Variants in CPZ observed in about 807,000 individuals in gnomAD.
CPZ encodes the protein VEZT/CPZ fusion.
In CPZ, 103 loss-of-function variants were observed where a neutral mutation model predicts 61.8. The ratio of observed to expected loss-of-function variants is 1.67; its 90% CI spans 1.42 to 1.96. The LOEUF (loss-of-function observed/expected upper bound fraction) is 1.96, where lower values mean the gene tolerates loss of function less well. Ranked by LOEUF, CPZ falls within the 30% of genes most tolerant of loss-of-function variation. The pLI, the probability that CPZ is intolerant of heterozygous loss-of-function variation, is 0.00. For missense variants in CPZ, 1,461 were observed against 914.9 expected (o/e 1.60, Z -7.70); for synonymous variants, 551 against 373.7 (o/e 1.47, Z -5.47).
At chr4:8,603,891 G>T in intron 3 of CPZ, 85 bp from the exon 4 acceptor site, 1 of 1,151,078 alleles carries the variant, frequency 8.7e-7, no homozygotes. Context: ...GGGGACTAAG[G>T]GTGCTGTGTG....
chr4:8,608,951 C>A (rs894945603), intron 7 of CPZ, among the ~76,000 whole-genome samples: 1 of 151,446 alleles, frequency 6.6e-6, no homozygotes, highest in African/African-American at 2.5e-5. Context: ...CCTGGGCCAC[C>A]GGCGCATTTG....
rs757651346 is a variant in CPZ, at chr4:8,606,899, G to A, written c.1068+1G>A. 1 of 1,604,380 alleles carries A rather than the reference G, an allele frequency of 6.2e-7. No individual in the cohort carries two copies. The highest frequency in any genetic ancestry group is 8.5e-7 in the Non-Finnish European group (1 of 1,175,806). On this transcript the variant is annotated splice_donor_variant, in intron 6 of 10. Coordinates refer to ENST00000360986, the MANE Select transcript of CPZ (RefSeq NM_001014447.3). LOFTEE classifies it high-confidence loss of function. ...CCCCCAGCACTACTGGTGGGGTAAG[G>A]TAGGAGCCGCCGCTGCCCATGCTGG...
chr4:8,608,451 A>C (rs971083895), intron 7 of CPZ, among the ~76,000 whole-genome samples: 3 of 152,120 alleles, frequency 2.0e-5, no homozygotes, highest in African/African-American at 7.2e-5. Flanking sequence ...GGCCGAGCAC[A>C]TAGCTGGGCC....
chr4:8,606,359 C>T (rs1715003482), intron 5 of CPZ, among the ~76,000 whole-genome samples, 174 bp downstream of exon 5: 1 of 152,172 alleles, frequency 6.6e-6, no homozygotes, highest in Non-Finnish European at 1.5e-5. Context: ...AGAAGGAAGG[C>T]ACTGAGAATT....
intron 7 of CPZ, chr4:8,611,395 G>C (rs994515964): frequency 4.7e-6 from 2 of 425,858 alleles, no homozygotes; most frequent in Admixed American, 4.8e-5. Context: ...GAGGGACCCA[G>C]GATCCCAGCC....
At chr4:8,608,307 C>T (rs1030236263) in intron 7 of CPZ, among the ~76,000 whole-genome samples, 13 of 152,200 alleles carry the variant, frequency 8.5e-5, no homozygotes, top group Non-Finnish European at 1.5e-4. Flanking sequence ...CTCCACCTCC[C>T]TCCCTGCACT....
intron 8 of CPZ, among the ~76,000 whole-genome samples, chr4:8,613,863 G>A (rs531351224): frequency 1.3e-4 from 20 of 152,360 alleles, no homozygotes; most frequent in African/African-American, 2.9e-4. Flanking sequence ...TCAGGACAGC[G>A]TCTGGGTAAA....
Position 8,607,307 on chromosome 4 carries a change from C to A in CPZ, c.1109C>A (p.Thr370Asn). 1.9e-6 allele frequency: 3 copies of A among 1,614,124 alleles called. No individual in the cohort carries two copies. Among genetic ancestry groups the A allele is most frequent in the Non-Finnish European group, 2.5e-6 (3 of 1,179,984 alleles). ...ETKAIMKWMQ[T>N]IPFVLSASLH... ...AAGGCAATCATGAAGTGGATGCAGACCATACCCTTTGTGCTCTCAGCCAGC... is the reference window on the plus strand; with the variant it reads ...AAGGCAATCATGAAGTGGATGCAGAACATACCCTTTGTGCTCTCAGCCAGC... Residue 370 changes from threonine (T) to asparagine (N), a missense_variant, in exon 7 of 11, where the codon ACC becomes AAC. Coordinates refer to ENST00000360986, the MANE Select transcript of CPZ (RefSeq NM_001014447.3).
Position 8,601,438 on chromosome 4 carries a change from G to T in CPZ, c.437G>T (p.Cys146Phe), listed in dbSNP as rs1181573328. The change falls in exon 3 of 11, where the codon TGC becomes TTC. Residue 146 changes from cysteine (C) to phenylalanine (F), a missense_variant. By Grantham distance (205) the Cys-to-Phe change is radical. Coordinates refer to ENST00000360986, the MANE Select transcript of CPZ (RefSeq NM_001014447.3). ...ATGGCCTGGCCCTACTTCCTTGACT[G>T]CCACCGCTACTTCACGAGAGAGGAC... ...IDMAWPYFLD[C>F]HRYFTREDEG... 5.2e-6 allele frequency: 8 copies of T among 1,552,710 alleles called. No homozygotes were observed. The highest frequency in any genetic ancestry group is 7.0e-6 in the Non-Finnish European group (8 of 1,148,538).
Position 8,615,961 on chromosome 4 carries a change from T to C in CPZ, c.1503+1463T>C, listed in dbSNP as rs1031390802. On this transcript the variant is annotated intron_variant, in intron 9 of 10. Transcript: ENST00000360986. ...GCAGCCCTGCACCACCTGTGGCGAG[T>C]CCCATTCTTCTATGAGCTCTCGCGC... is the stretch of plus-strand genomic sequence containing the variant. 2.8e-4 allele frequency among the ~76,000 whole-genome samples: 43 copies of C among 152,066 alleles called. 2 individuals are homozygous for C. The highest frequency in any genetic ancestry group is 1.5e-5 in the Non-Finnish European group (1 of 68,014).
At chr4:8,600,092 T>C (rs1355760866) in intron 2 of CPZ, 3 of 152,250 alleles carry the variant, frequency 2.0e-5, no homozygotes, top group African/African-American at 7.2e-5. Flanking sequence ...AAATTCTGGG[T>C]ACCAAGTCAA....
rs778176673 is a variant in CPZ at position 8,619,292 on chromosome 4, C to T, written c.1634C>T (p.Pro545Leu). The change falls in exon 11 of 11, where the codon CCC (proline) becomes CTC (leucine). Residue 545 changes from proline to leucine, a missense_variant. Physicochemically the swap from Pro to Leu is moderately conservative, Grantham distance 98. Coordinates refer to ENST00000360986, the MANE Select transcript of CPZ (RefSeq NM_001014447.3). ...APDGDYWRLL[P>L]PGIHIVIAQA... ...GATGGTGACTACTGGAGACTGCTGC[C>T]CCCAGGTATCCACATTGTCATTGCC... The T allele has an allele frequency of 6.8e-6, 11 of 1,613,360 alleles. No homozygotes were observed. The highest frequency in any genetic ancestry group is 1.3e-5 in the African/African-American group (1 of 74,894).
chr4:8,597,793 G>A (rs11721374), intron 1 of CPZ, among the ~76,000 whole-genome samples: 60,480 of 152,170 alleles, frequency 0.4, 12,810 homozygotes, highest in East Asian at 0.61. Context: ...GGAAGATCGT[G>A]TGCTGGGCTC....
chr4:8,612,677 G>A (rs1715816456), intron 8 of CPZ, among the ~76,000 whole-genome samples: 1 of 152,230 alleles, frequency 6.6e-6, no homozygotes, highest in South Asian at 2.1e-4. Flanking sequence ...CCTTGGGGAG[G>A]CTGCACAGGA....
At chr4:8,610,857 C>T (rs1328644217) in intron 7 of CPZ, among the ~76,000 whole-genome samples, 1 of 152,154 alleles carries the variant, frequency 6.6e-6, no homozygotes, top group Non-Finnish European at 1.5e-5. Flanking sequence ...GATGGCACAG[C>T]CTCACTTCTG....
rs753166608 is a variant in CPZ, at chr4:8,606,130, G to T, written c.851G>T (p.Arg284Leu). The change falls in exon 5 of 11, where the codon CGC (arginine) becomes CTC (leucine). Residue 284 changes from arginine to leucine, a missense_variant. Coordinates refer to ENST00000360986, the MANE Select transcript of CPZ (RefSeq NM_001014447.3). ...ATCCAGCGCCTGCTCAACACCACCC[G>T]CATCCACCTGCTGCCCTCCATGAAC... The part of the protein sequence containing the change: ...PRIQRLLNTT[R>L]IHLLPSMNPD... 1.6e-5 allele frequency: 26 copies of T among 1,613,868 alleles called. No individual in the cohort carries two copies. The Admixed American group carries it at 3.2e-4, about 20-fold the overall frequency.
chr4:8,616,223 G>A (rs145603396), intron 9 of CPZ, among the ~76,000 whole-genome samples: 148 of 152,322 alleles, frequency 9.7e-4, no homozygotes, highest in African/African-American at 3.5e-3. Context: ...GGCCAATTGA[G>A]GCTTTTTTCA....
chr4:8,605,598 T>TCATCCATC lies in CPZ; in HGVS notation c.710-370_710-363dup, dbSNP rs200204306. 8.3e-4 allele frequency among the ~76,000 whole-genome samples: 118 copies of TCATCCATC among 141,412 alleles called. 2 individuals carry two copies. The highest frequency in any genetic ancestry group is 3.1e-3 in the African/African-American group (105 of 33,930). 92.8% of individuals were successfully genotyped at this position (141,412 alleles called of 152,430 possible). A position where few individuals can be genotyped will look rare whatever the true frequency, so the allele number is the denominator to read the frequency against. ...ATCCAGCCATCCAGCCAGCCATTATTCATCCATCCATCCATCCATCCATCC... is the reference window on the plus strand; with the variant it reads ...ATCCAGCCATCCAGCCAGCCATTATTCATCCATCCATCCATCCATCCATCCATCCATCC... On this transcript the variant is annotated intron_variant, in intron 4 of 10. Coordinates refer to ENST00000360986, the MANE Select transcript of CPZ (RefSeq NM_001014447.3).
At chr4:8,593,438 C>A (rs1449841977) in intron 1 of CPZ, among the ~76,000 whole-genome samples, 2 of 152,142 alleles carry the variant, frequency 1.3e-5, no homozygotes, top group Non-Finnish European at 2.9e-5. Flanking sequence ...GGATCTGGGG[C>A]CCGGAGAGGG....
Sources: allele counts gnomAD v4.1 joint callset (sites outside exome capture counted in the v4.1 genomes callset), GRCh38; gene constraint gnomAD v4.1.1; transcripts MANE v1.5; gene names NCBI Gene and HGNC (gene_info 2026-07-23, HGNC 2026-07-21).